The following MYH10 variants were observed in gnomAD, a reference collection of about 807,000 sequenced individuals.
The protein encoded by MYH10 is myosin heavy chain 10, also known as myosin-10.
Under a neutral mutation model 257.8 loss-of-function variants are expected in MYH10, and 55 were observed. That is an observed-to-expected ratio of 0.21 (90% CI 0.17 to 0.27). The LOEUF is 0.27. MYH10 is among the 10% of genes least tolerant of loss of function. The probability of loss-of-function intolerance (pLI) is 1.00; values close to 1 mark genes in which losing one functional copy is unlikely to be tolerated. For missense variants in MYH10, 1,631 were observed against 2,500.6 expected (o/e 0.65, Z 7.42); for synonymous variants, 854 against 921.7 (o/e 0.93, Z 1.33).
At chr17:8,492,189 T>TTCCCAGGTCCTTCAGGCAG in intron 34 of MYH10, 108 bp downstream of exon 34, 1 of 1,114,268 alleles carries the variant, frequency 9.0e-7, no homozygotes, top group Non-Finnish European at 1.3e-6. Context: ...GGGCTGTGCA[T>TTCCCAGGTCCTTCAGGCAG]TCCCAGGTCC....
intron 7 of MYH10, among the ~76,000 whole-genome samples, chr17:8,568,429 C>T (rs2083231767): frequency 2.0e-5 from 3 of 151,990 alleles, no homozygotes; most frequent in Admixed American, 2.0e-4. Context: ...TCATAGCAAC[C>T]ACACCATCGG....
chr17:8,532,905 G>A (rs560928827), intron 16 of MYH10, among the ~76,000 whole-genome samples: 1 of 152,222 alleles, frequency 6.6e-6, no homozygotes, highest in South Asian at 2.1e-4. Flanking sequence ...TTTTGGTTAA[G>A]GGATATAAGA....
chr17:8,536,047 T>G, intron 14 of MYH10, 116 bp from the exon 15 acceptor site: 1 of 959,000 alleles, frequency 1.0e-6, no homozygotes, highest in Non-Finnish European at 1.5e-6. Flanking sequence ...GAAAACAAAT[T>G]GCTAGGATGG....
At chr17:8,608,904 G>A (rs952966682) in intron 2 of MYH10, among the ~76,000 whole-genome samples, 9 of 151,218 alleles carry the variant, frequency 6.0e-5, no homozygotes, top group African/African-American at 1.7e-4. Flanking sequence ...TCCGCCTCCC[G>A]GGCTGACGCC....
intron 38 of MYH10, 189 bp from the exon 39 acceptor site, chr17:8,480,714 G>C (rs1024115039): frequency 1.4e-6 from 1 of 710,660 alleles, no homozygotes; most frequent in Non-Finnish European, 2.4e-6. Context: ...ACCCTCCCCC[G>C]CTGCCACCAC....
In MYH10 at chr17:8,490,316, T is replaced by C; in HGVS notation, c.4884+24A>G. ...CTTTGAGAGCCTGCACCCCTTGTTG[T>C]GGAGGCCGCACCCTCTGCCCTACCT... On this transcript the variant is annotated intron_variant, in intron 35 of 42. Transcript: ENST00000360416. The surrounding 1 kb of genome is among the most constrained non-coding windows in gnomAD (Gnocchi z 4.1). 6.2e-7 allele frequency: 1 copy of C among 1,609,070 alleles called. No individual in the cohort carries two copies. The highest frequency in any genetic ancestry group is 8.5e-7 in the Non-Finnish European group (1 of 1,177,852).
At chr17:8,528,155 C>T (rs1352526041) in intron 17 of MYH10, among the ~76,000 whole-genome samples, 1 of 152,220 alleles carries the variant, frequency 6.6e-6, no homozygotes, top group South Asian at 2.1e-4. Context: ...AAGAGCCTAA[C>T]TGGTGCTGTT....
chr17:8,480,303 C>A lies in MYH10; in HGVS notation c.5404G>T (p.Ala1802Ser). 6.2e-7 allele frequency: 1 copy of A among 1,614,102 alleles called. No individual in the cohort carries two copies. The highest frequency in any genetic ancestry group is 8.5e-7 in the Non-Finnish European group (1 of 1,180,030). ...KTTLQVDTLN[A>S]ELAAERSAAQ... ...GCGCTGCGCTCGGCTGCTAGCTCGGCGTTCAGTGTGTCCACCTAGAGAGGA... is the reference window on the plus strand; with the variant it reads ...GCGCTGCGCTCGGCTGCTAGCTCGGAGTTCAGTGTGTCCACCTAGAGAGGA... The change falls in exon 40 of 43, where the codon GCC becomes TCC. Residue 1802 changes from alanine to serine, a missense_variant. Coordinates refer to ENST00000360416, the MANE Select transcript of MYH10 (RefSeq NM_001256012.3).
At chr17:8,630,152 CTT>C (rs2085856110) in intron 1 of MYH10, among the ~76,000 whole-genome samples, 1 of 151,610 alleles carries the variant, frequency 6.6e-6, no homozygotes. Flanking sequence ...CGGGACTGCG[CTT>C]TCCAGCCCCG....
chr17:8,614,490 T>C (rs1313801832), intron 2 of MYH10, among the ~76,000 whole-genome samples: 1 of 151,980 alleles, frequency 6.6e-6, no homozygotes, highest in Non-Finnish European at 1.5e-5. Flanking sequence ...GGCTAATTTT[T>C]GTATTTTTAG....
chr17:8,478,564 C>G (rs1913101787), intron 40 of MYH10, 118 bp from the exon 41 acceptor site: 4 of 857,780 alleles, frequency 4.7e-6, no homozygotes, highest in Non-Finnish European at 1.9e-6. Flanking sequence ...CATTATGGAC[C>G]TCTCTGTCCA....
intron 32 of MYH10, 143 bp downstream of exon 32, chr17:8,493,590 C>T (rs1001764152): frequency 8.3e-6 from 8 of 965,292 alleles, no homozygotes; most frequent in Non-Finnish European, 1.2e-5. Flanking sequence ...GTGGCTGGGT[C>T]AAGAAAAACC....
chr17:8,605,600 C>A (rs1018845536), intron 2 of MYH10, among the ~76,000 whole-genome samples: 1 of 151,976 alleles, frequency 6.6e-6, no homozygotes, highest in Non-Finnish European at 1.5e-5. Context: ...AAAAATTAGC[C>A]GGGCACAGTG....
At chr17:8,539,359 G>A (rs1597776949) in intron 14 of MYH10, among the ~76,000 whole-genome samples, 1 of 152,248 alleles carries the variant, frequency 6.6e-6, no homozygotes, top group African/African-American at 2.4e-5. Context: ...ATCCACGCCT[G>A]TAATACCTTC....
rs191049887 is a variant in MYH10 at position 8,607,544 on chromosome 17, G to A, written c.346-2562C>T. On this transcript the variant is annotated intron_variant, in intron 2 of 42. Transcript: ENST00000360416. ...AAGGAACATTATTAAAGTGCTTAAA[G>A]AGCTAACTTCTAACTACCTAAAAAA... Among the ~76,000 whole-genome samples the A allele has an allele frequency of 3.0e-3, 462 of 152,310 alleles. 3 individuals are homozygous for A. Among genetic ancestry groups the A allele is most frequent in the Admixed American group, 6.4e-3 (98 of 15,300 alleles).
chr17:8,526,081 G>A (rs1406773631), intron 17 of MYH10, among the ~76,000 whole-genome samples: 8 of 152,230 alleles, frequency 5.3e-5, no homozygotes, highest in South Asian at 2.1e-4. Context: ...GTGAGCCACC[G>A]CGCCCAGCCG....
chr17:8,513,592 C>T lies in MYH10; in HGVS notation c.2691G>A (p.Glu897=), dbSNP rs775869326. 1.9e-6 allele frequency: 3 copies of T among 1,614,202 alleles called. No individual in the cohort carries two copies. The highest frequency in any genetic ancestry group is 2.2e-5 in the South Asian group (2 of 91,082). ...GCTCTCCTTCCACCTTCGTCTGCTT[C>T]TCCTTCACCTTCAACAGCTCTTCAT... ...AKDEELLKVK[E]KQTKVEGELE... Residue 897 remains glutamate, a synonymous_variant, in exon 23 of 43, where the codon GAG becomes GAA. Coordinates refer to ENST00000360416, the MANE Select transcript of MYH10 (RefSeq NM_001256012.3).
intron 3 of MYH10, among the ~76,000 whole-genome samples, chr17:8,603,708 T>A (rs897226628): frequency 6.6e-6 from 1 of 152,122 alleles, no homozygotes; most frequent in Non-Finnish European, 1.5e-5. Flanking sequence ...TCATTCTCCA[T>A]CTCTAACAGC....
rs1439943349 is a variant in MYH10 at position 8,530,644 on chromosome 17, A to C, written c.1936T>G (p.Ser646Ala). 2 of 1,549,930 alleles carry C rather than the reference A, an allele frequency of 1.3e-6. No homozygotes were observed. The highest frequency in any genetic ancestry group is 1.2e-5 in the South Asian group (1 of 83,960). The change falls in exon 17 of 43, where the codon TCT becomes GCT. Residue 646 changes from serine to alanine, a missense_variant. By Grantham distance (99) the Ser-to-Ala change is moderately conservative (BLOSUM62 1). Coordinates refer to ENST00000360416, the MANE Select transcript of MYH10 (RefSeq NM_001256012.3). ...TCACCTGGTGGCTCATGAAGACCAG[A>C]AACACTGTCATAGAAAGAAGCTCTC... ...IQRASFYDSVSGLHEPPVDRI... is the reference protein window; with the variant it reads ...IQRASFYDSVAGLHEPPVDRI...
Sources: allele counts gnomAD v4.1 joint callset (sites outside exome capture counted in the v4.1 genomes callset), GRCh38; gene constraint gnomAD v4.1.1; non-coding constraint Gnocchi (gnomAD v3.1); transcripts MANE v1.5; gene names NCBI Gene and HGNC (gene_info 2026-07-23, HGNC 2026-07-21).